PACRG: variants seen among roughly 807,000 people sequenced by gnomAD.
PACRG encodes parkin coregulated.
In PACRG, 29 loss-of-function variants were observed where a neutral mutation model predicts 29.7. The observed-to-expected ratio is 0.98, with a 90% CI of 0.73 to 1.33. The LOEUF (loss-of-function observed/expected upper bound fraction) is 1.33. PACRG is among the 40% of genes most tolerant of loss of function. PACRG has a pLI of 0.00. For missense variants in PACRG, 279 were observed against 316.2 expected (o/e 0.88, Z 0.89); for synonymous variants, 116 against 118.7 (o/e 0.98, Z 0.15).
At chr6:163,308,982 A>G (rs1785299661) in intron 4 of PACRG, among the ~76,000 whole-genome samples, 1 of 152,248 alleles carries the variant, frequency 6.6e-6, no homozygotes, top group Non-Finnish European at 1.5e-5. Flanking sequence ...AATCAAAAAT[A>G]TGCCTTTTCT....
Position 163,206,420 on chromosome 6 carries a change from A to G in PACRG, c.614-108407A>G, listed in dbSNP as rs532022396. Among the ~76,000 whole-genome samples the G allele has an allele frequency of 4.6e-5, 7 of 152,224 alleles. No homozygotes were observed. The South Asian group carries it at 1.5e-3, about 32-fold the overall frequency. Reference sequence around the variant, plus strand: ...TCATGGCTTTTGCAGCAACATGGATAGAGCTTTTATCCTAAGCAAGCTAAC... The same window carrying G: ...TCATGGCTTTTGCAGCAACATGGATGGAGCTTTTATCCTAAGCAAGCTAAC... On this transcript the variant is annotated intron_variant, in intron 4 of 4. Coordinates refer to ENST00000366888, the MANE Select transcript of PACRG (RefSeq NM_001080379.2).
At chr6:162,947,605 T>TG (rs1799267722) in intron 2 of PACRG, among the ~76,000 whole-genome samples, 2 of 62,230 alleles carry the variant, frequency 3.2e-5, no homozygotes, top group Non-Finnish European at 6.2e-5. Flanking sequence ...CATATATATA[T>TG]ATAATCATAT....
At chr6:162,781,643 ATTG>A (rs1270791976) in intron 1 of PACRG, among the ~76,000 whole-genome samples, 2 of 151,852 alleles carry the variant, frequency 1.3e-5, no homozygotes, top group African/African-American at 2.4e-5. Context: ...AAAAAAGTAT[ATTG>A]TTGTAAGGTT....
chr6:162,824,807 A>T (rs1179018289), intron 2 of PACRG, among the ~76,000 whole-genome samples: 2 of 152,224 alleles, frequency 1.3e-5, no homozygotes, highest in Non-Finnish European at 2.9e-5. Flanking sequence ...ATAGATCACT[A>T]TTCAAGGAAG....
At chr6:163,309,018 C>A (rs1417399627) in intron 4 of PACRG, among the ~76,000 whole-genome samples, 2 of 146,188 alleles carry the variant, frequency 1.4e-5, no homozygotes, top group Admixed American at 6.7e-5. Flanking sequence ...TATTTGATTT[C>A]TTCTGTCAGC....
At chr6:162,845,391 CTT>C (rs930253719) in intron 2 of PACRG, among the ~76,000 whole-genome samples, 4 of 138,066 alleles carry the variant, frequency 2.9e-5, no homozygotes. Flanking sequence ...ATTTTTTTTT[CTT>C]TTTTTTTTTT....
intron 2 of PACRG, chr6:162,891,982 T>A (rs369836355): frequency 1.0e-4 from 16 of 152,418 alleles, no homozygotes; most frequent in African/African-American, 3.6e-4. Flanking sequence ...TATAGTCCGG[T>A]TATCTTCTGT....
rs1456459842 is a variant in PACRG, at chr6:162,853,576, A to G, written c.291+39295A>G. Reference sequence around the variant, plus strand: ...CTACCAGATAACACAGGAACAGAAAACCAAATACCACATGTTCTCCCTTAT... The same window carrying G: ...CTACCAGATAACACAGGAACAGAAAGCCAAATACCACATGTTCTCCCTTAT... On this transcript the variant is annotated intron_variant, in intron 2 of 4. Transcript: ENST00000366888. This position sits in a 1 kb window ranked among gnomAD's most constrained non-coding sequence, Gnocchi z 4.7. 3.3e-5 allele frequency among the ~76,000 whole-genome samples: 5 copies of G among 152,198 alleles called. No homozygotes were observed. In the East Asian group the frequency reaches 9.6e-4, roughly 29 times the overall value.
intron 1 of PACRG, among the ~76,000 whole-genome samples, chr6:162,768,830 A>G (rs1332558826): frequency 1.3e-5 from 2 of 152,114 alleles, no homozygotes; most frequent in Non-Finnish European, 2.9e-5. Context: ...TTGACTGACA[A>G]TGCTCACTTT....
At chr6:162,933,990 G>A (rs561325895) in intron 2 of PACRG, among the ~76,000 whole-genome samples, 15 of 152,240 alleles carry the variant, frequency 9.9e-5, no homozygotes, top group Admixed American at 5.9e-4. Flanking sequence ...ACAACTGGGC[G>A]CGGTGGCTCA....
At chr6:162,881,517 A>G (rs1793838074) in intron 2 of PACRG, among the ~76,000 whole-genome samples, 1 of 152,186 alleles carries the variant, frequency 6.6e-6, no homozygotes, top group Admixed American at 6.5e-5. Context: ...ATTTGCAAAG[A>G]GGTGCACTTG....
At chr6:163,146,590 C>G (rs1460345144) in intron 4 of PACRG, among the ~76,000 whole-genome samples, 1 of 152,212 alleles carries the variant, frequency 6.6e-6, no homozygotes, top group African/African-American at 2.4e-5. Flanking sequence ...AAATGGCCTT[C>G]TCTTCTTGTC....
At chr6:162,832,394 A>G (rs1045869949) in intron 2 of PACRG, among the ~76,000 whole-genome samples, 1 of 152,122 alleles carries the variant, frequency 6.6e-6, no homozygotes, top group Non-Finnish European at 1.5e-5. Context: ...TTTTTAATCA[A>G]TTATTTTTCA....
At chr6:163,124,110 C>G (rs962564041) in intron 4 of PACRG, among the ~76,000 whole-genome samples, 1 of 152,186 alleles carries the variant, frequency 6.6e-6, no homozygotes, top group Non-Finnish European at 1.5e-5. Context: ...AATGTCTATT[C>G]AAGTCCTTTG....
At chr6:162,842,417 G>A (rs1176255908) in intron 2 of PACRG, among the ~76,000 whole-genome samples, 7 of 151,344 alleles carry the variant, frequency 4.6e-5, no homozygotes, top group African/African-American at 1.2e-4. Context: ...TAGGATTGCA[G>A]CCCCTGCCTT....
chr6:163,312,580 C>G (rs749935780), intron 4 of PACRG, among the ~76,000 whole-genome samples: 4 of 152,222 alleles, frequency 2.6e-5, no homozygotes, highest in East Asian at 1.9e-4. Flanking sequence ...CTCACGCCTC[C>G]GAACACCATG....
intron 2 of PACRG, among the ~76,000 whole-genome samples, chr6:162,827,242 C>T (rs1383662506): frequency 6.6e-6 from 1 of 152,124 alleles, no homozygotes; most frequent in Non-Finnish European, 1.5e-5. Flanking sequence ...TTGGGAATCT[C>T]TAGCTTTTTC....
intron 4 of PACRG, among the ~76,000 whole-genome samples, chr6:163,140,492 G>C (rs986803837): frequency 3.9e-5 from 6 of 152,212 alleles, no homozygotes; most frequent in Non-Finnish European, 5.9e-5. Flanking sequence ...AATGCCATCT[G>C]CTGCTGGACT....
intron 2 of PACRG, among the ~76,000 whole-genome samples, chr6:162,863,329 C>T (rs1401948948): frequency 1.3e-5 from 2 of 152,216 alleles, no homozygotes; most frequent in East Asian, 1.9e-4. Context: ...GTCCCTCCAG[C>T]GCAGTGATTG....
Sources: gnomAD v4.1 joint callset for allele counts (sites outside exome capture counted in the v4.1 genomes callset) on GRCh38, gnomAD v4.1.1 for gene constraint, Gnocchi (gnomAD v3.1) non-coding constraint, MANE v1.5 for transcripts, NCBI Gene and HGNC (gene_info 2026-07-23, HGNC 2026-07-21) for gene names.